Variants in PRR5 observed in about 807,000 individuals in gnomAD.
PRR5 encodes proline-rich protein 5.
PRR5 carries 25 observed loss-of-function variants against 30.6 expected under a neutral mutation model. The ratio of observed to expected loss-of-function variants is 0.82; its 90% confidence interval spans 0.60 to 1.14. PRR5 has a LOEUF of 1.14. Among genes scored for constraint, PRR5 ranks in the 50% most tolerant of loss-of-function variants. The pLI, the probability that PRR5 is intolerant of heterozygous loss-of-function variation, is 0.00. For missense variants in PRR5, 600 were observed against 547.1 expected (o/e 1.10, Z -0.96); for synonymous variants, 286 against 247.1 (o/e 1.16, Z -1.48).
At chr22:44,678,694 G>T (rs1923992629) in intron 1 of PRR5, among the ~76,000 whole-genome samples, 2 of 152,190 alleles carry the variant, frequency 1.3e-5, no homozygotes, top group South Asian at 2.1e-4. Context: ...CCGCAGGCCA[G>T]GCGGACCCAC....
intron 1 of PRR5, among the ~76,000 whole-genome samples, chr22:44,705,492 T>C (rs1927049602): frequency 1.3e-5 from 2 of 151,462 alleles, no homozygotes; most frequent in Non-Finnish European, 2.9e-5. Flanking sequence ...CCCGGCTAAT[T>C]TTTTGTACTT....
At chr22:44,688,823 C>A (rs1433093455) in intron 1 of PRR5, among the ~76,000 whole-genome samples, 3 of 151,496 alleles carry the variant, frequency 2.0e-5, no homozygotes, top group Non-Finnish European at 2.9e-5. Flanking sequence ...CCCTGTCTCT[C>A]CTAAAAATAC....
intron 1 of PRR5, among the ~76,000 whole-genome samples, chr22:44,680,216 A>G (rs574134153): frequency 2.6e-4 from 40 of 152,324 alleles, no homozygotes; most frequent in South Asian, 8.3e-4. Flanking sequence ...ACCACTATCC[A>G]GCTGTGCAAC....
chr22:44,683,418 A>G lies in PRR5; in HGVS notation c.-11+6178A>G, dbSNP rs376402300. ...GGCTTCTTGCCTTGGCCCCCACCCC[A>G]TCTGCCACCCACACCCAGAACCACA... On this transcript the variant is annotated intron_variant, in intron 1 of 8. Coordinates refer to the PRR5 transcript ENST00000006251. Among the ~76,000 whole-genome samples, 355 of 152,238 alleles carry G rather than the reference A, an allele frequency of 2.3e-3. 2 individuals carry two copies. Among genetic ancestry groups the G allele is most frequent in the South Asian group, 0.017 (83 of 4,822 alleles).
chr22:44,715,050 C>T (rs1928849068), intron 2 of PRR5, among the ~76,000 whole-genome samples: 1 of 152,238 alleles, frequency 6.6e-6, no homozygotes, highest in Admixed American at 6.5e-5. Context: ...AAGGACCCAC[C>T]TGCCTAACGA....
chr22:44,730,302 G>A (rs1921710274), intron 4 of PRR5: 2 of 985,264 alleles, frequency 2.0e-6, no homozygotes, highest in Admixed American at 1.2e-4. Flanking sequence ...TTCACTCAGA[G>A]GCGCCCACAC....
intron 6 of PRR5, among the ~76,000 whole-genome samples, chr22:44,732,961 GCA>G (rs1922464636): frequency 1.4e-5 from 2 of 147,946 alleles, no homozygotes; most frequent in African/African-American, 2.5e-5. Context: ...ACATACGCGT[GCA>G]CACGCATACA....
chr22:44,682,526 C>G (rs1473374073), intron 1 of PRR5, among the ~76,000 whole-genome samples: 1 of 152,182 alleles, frequency 6.6e-6, no homozygotes, highest in Non-Finnish European at 1.5e-5. Context: ...GCCTCACACT[C>G]TGCCTTCTCA....
intron 1 of PRR5, among the ~76,000 whole-genome samples, chr22:44,678,324 C>CTTTT (rs113676116): frequency 7.7e-6 from 1 of 130,682 alleles, no homozygotes; most frequent in Admixed American, 8.2e-5. Context: ...TCTGCTGGCT[C>CTTTT]TTTTTTTTTT....
intron 1 of PRR5, among the ~76,000 whole-genome samples, chr22:44,706,551 A>G (rs1338102315): frequency 1.3e-5 from 2 of 151,992 alleles, no homozygotes; most frequent in African/African-American, 4.8e-5. Context: ...CTCTTTTGAG[A>G]GAGGGTCTTG....
chr22:44,703,835 A>T (rs1926759655), intron 1 of PRR5, among the ~76,000 whole-genome samples: 2 of 152,122 alleles, frequency 1.3e-5, no homozygotes, highest in South Asian at 4.1e-4. Flanking sequence ...ATGAGCCATG[A>T]TGCCACCACT....
At chr22:44,690,844 CG>C (rs1925175438) in intron 1 of PRR5, among the ~76,000 whole-genome samples, 1 of 151,414 alleles carries the variant, frequency 6.6e-6, no homozygotes, top group Non-Finnish European at 1.5e-5. Context: ...TCTCCTGGTT[CG>C]GGGGGTGGCG....
At chr22:44,702,857 G>A (rs530863373) in intron 1 of PRR5, among the ~76,000 whole-genome samples, 2 of 152,338 alleles carry the variant, frequency 1.3e-5, no homozygotes, top group Non-Finnish European at 2.9e-5. Context: ...AGAAGCGCCC[G>A]GCGGGTGGGC....
At chr22:44,678,384 G>T (rs9614871) in intron 1 of PRR5, among the ~76,000 whole-genome samples, 2 of 148,402 alleles carry the variant, frequency 1.3e-5, no homozygotes, top group Middle Eastern at 3.2e-3. Context: ...GTGCGATGGC[G>T]CAATCTCGGC....
At chr22:44,705,472 C>T (rs1927044976) in intron 1 of PRR5, among the ~76,000 whole-genome samples, 4 of 151,938 alleles carry the variant, frequency 2.6e-5, no homozygotes, top group Admixed American at 2.0e-4. Flanking sequence ...TACAGGCGCC[C>T]ACCACCACGC....
upstream of PRR5, among the ~76,000 whole-genome samples, chr22:44,674,646 G>A (rs546502204): frequency 2.6e-5 from 4 of 151,914 alleles, no homozygotes; most frequent in Non-Finnish European, 4.4e-5. Flanking sequence ...GCGTGAACCC[G>A]GGAGGCGGAG....
chr22:44,686,089 C>T (rs1924723284), intron 1 of PRR5, among the ~76,000 whole-genome samples: 1 of 152,076 alleles, frequency 6.6e-6, no homozygotes, highest in Admixed American at 6.5e-5. Flanking sequence ...CCCGTTTCTA[C>T]TAAAAGTACA....
chr22:44,733,408 C>CT (rs1310706530), intron 6 of PRR5, among the ~76,000 whole-genome samples: 2 of 152,244 alleles, frequency 1.3e-5, no homozygotes, highest in Admixed American at 1.3e-4. Flanking sequence ...GCAAAGCCCT[C>CT]TTTATCGTTC....
At chr22:44,697,045 A>T (rs1211865514) in intron 1 of PRR5, among the ~76,000 whole-genome samples, 1 of 152,146 alleles carries the variant, frequency 6.6e-6, no homozygotes. Flanking sequence ...CCAGGACATG[A>T]ACATATCAGA....
Sources: gnomAD v4.1 joint callset for allele counts (sites outside exome capture counted in the v4.1 genomes callset) on GRCh38, gnomAD v4.1.1 for gene constraint, MANE v1.5 for transcripts, NCBI Gene and HGNC (gene_info 2026-07-23, HGNC 2026-07-21) for gene names.